Variants in RAB3C observed in about 807,000 individuals in gnomAD.
The protein encoded by RAB3C is ras-related protein Rab-3C.
Under a neutral mutation model 26.4 loss-of-function variants are expected in RAB3C, and 17 were observed. The ratio of observed to expected loss-of-function variants is 0.64; its 90% CI spans 0.44 to 0.97. The LOEUF is 0.97. RAB3C is among the 50% of genes least tolerant of loss of function. The pLI is 0.00. For missense variants in RAB3C, 242 were observed against 281.9 expected, an observed-to-expected ratio of 0.86 and a Z score of 1.01; for synonymous variants, 91 against 95.9, an observed-to-expected ratio of 0.95 and a Z score of 0.30.
chr5:58,729,290 T>C (rs1039601955), intron 3 of RAB3C, among the ~76,000 whole-genome samples: 2 of 152,064 alleles, frequency 1.3e-5, no homozygotes, highest in African/African-American at 4.8e-5. Flanking sequence ...ATTTACTGTC[T>C]TAACCATTTT....
At chr5:58,841,702 TG>T (rs1743879525) in intron 4 of RAB3C, among the ~76,000 whole-genome samples, 1 of 152,128 alleles carries the variant, frequency 6.6e-6, no homozygotes, top group Admixed American at 6.5e-5. Context: ...TGGGGGCTGG[TG>T]GGGATCATTT....
intron 3 of RAB3C, among the ~76,000 whole-genome samples, chr5:58,738,157 C>G (rs1208858185): frequency 6.6e-6 from 1 of 152,120 alleles, no homozygotes; most frequent in African/African-American, 2.4e-5. Context: ...TTTTAGTTTC[C>G]AGTCAGGGTT....
intron 3 of RAB3C, among the ~76,000 whole-genome samples, chr5:58,728,394 A>G (rs1213157954): frequency 6.6e-6 from 1 of 152,016 alleles, no homozygotes; most frequent in Non-Finnish European, 1.5e-5. Context: ...GACTTTCTAA[A>G]TGCCTCTCCA....
intron 1 of RAB3C, among the ~76,000 whole-genome samples, chr5:58,616,428 ATG>A (rs1252818667): frequency 4.6e-5 from 7 of 152,156 alleles, no homozygotes; most frequent in African/African-American, 1.7e-4. Flanking sequence ...TGCTGAGCAA[ATG>A]TACTAATCAG....
chr5:58,681,821 G>A (rs1199084756), intron 2 of RAB3C, among the ~76,000 whole-genome samples: 4 of 152,292 alleles, frequency 2.6e-5, no homozygotes, highest in Admixed American at 2.6e-4. Context: ...ATTTTAGGAA[G>A]ATTCATCTGA....
At chr5:58,646,673 G>A (rs566405812) in intron 2 of RAB3C, among the ~76,000 whole-genome samples, 1 of 152,190 alleles carries the variant, frequency 6.6e-6, no homozygotes, top group African/African-American at 2.4e-5. Context: ...TAGAGGCATT[G>A]AAATCAATTT....
chr5:58,756,281 T>C (rs1741654391), intron 3 of RAB3C, among the ~76,000 whole-genome samples: 1 of 147,958 alleles, frequency 6.8e-6, no homozygotes, highest in Non-Finnish European at 1.5e-5. Flanking sequence ...GCATATTTCC[T>C]AAGAATGTAG....
At chr5:58,648,645 C>T (rs1003586301) in intron 2 of RAB3C, among the ~76,000 whole-genome samples, 4 of 152,154 alleles carry the variant, frequency 2.6e-5, no homozygotes, top group Non-Finnish European at 4.4e-5. Context: ...CTAAGAGAGA[C>T]AAGTCTGAAC....
rs1218571591 is a variant in RAB3C at position 58,854,822 on chromosome 5, G to A, written c.*3471G>A. 1 of 139,158 alleles carries A rather than the reference G, an allele frequency of 7.2e-6. No homozygotes were observed. Among genetic ancestry groups the A allele is most frequent in the Non-Finnish European group, 1.6e-5 (1 of 63,984 alleles). The allele number at this position is 139,158 out of a possible 1,614,324, so 8.6% of individuals were successfully genotyped here. A position where few individuals can be genotyped will look rare whatever the true frequency, so the allele number is the denominator to read the frequency against. ...CAAAGTTACAACCCAAATTATACAA[G>A]ACATCAAAACACTCAGTAAACAAAT... On this transcript the variant is annotated 3_prime_UTR_variant, in exon 5 of 5. Transcript: ENST00000282878.
intron 3 of RAB3C, among the ~76,000 whole-genome samples, chr5:58,797,356 ATGTATATATATAATATAT>A (rs1742687555): frequency 4.2e-3 from 142 of 33,874 alleles, no homozygotes; most frequent in Admixed American, 6.6e-3. Context: ...AAAAAAAAAT[ATGTATATATATAATATAT>A]ATATATATAT....
chr5:58,698,036 G>T (rs958280281), intron 2 of RAB3C, among the ~76,000 whole-genome samples: 2 of 152,110 alleles, frequency 1.3e-5, no homozygotes, highest in African/African-American at 2.4e-5. Context: ...TACAATTTGG[G>T]ATGTTTTTGC....
At chr5:58,784,417 C>T (rs905684379) in intron 3 of RAB3C, among the ~76,000 whole-genome samples, 2 of 152,128 alleles carry the variant, frequency 1.3e-5, no homozygotes, top group African/African-American at 4.8e-5. Context: ...TATTCATTAT[C>T]ACAAGAACAA....
intron 4 of RAB3C, among the ~76,000 whole-genome samples, chr5:58,835,545 T>C (rs1209083377): frequency 1.3e-5 from 2 of 152,234 alleles, no homozygotes; most frequent in Non-Finnish European, 2.9e-5. Flanking sequence ...TGTCTAGCCC[T>C]CATTTTTCTA....
chr5:58,847,634 A>C (rs1285453148), intron 4 of RAB3C, among the ~76,000 whole-genome samples: 2 of 152,202 alleles, frequency 1.3e-5, no homozygotes, highest in African/African-American at 2.4e-5. Context: ...GGGCATGAGC[A>C]TCCTCATACA....
chr5:58,669,577 GT>G (rs1748070933), intron 2 of RAB3C, among the ~76,000 whole-genome samples: 1 of 152,180 alleles, frequency 6.6e-6, no homozygotes, highest in Admixed American at 6.5e-5. Context: ...GAAGGCAGTA[GT>G]TTAGGTGTGC....
intron 2 of RAB3C, chr5:58,689,306 T>G (rs1748513123): frequency 6.6e-6 from 1 of 152,056 alleles, no homozygotes; most frequent in Non-Finnish European, 1.5e-5. Flanking sequence ...AACACAATAT[T>G]TCACAACAGA....
chr5:58,773,396 C>A (rs1742064978), intron 3 of RAB3C, among the ~76,000 whole-genome samples: 1 of 152,062 alleles, frequency 6.6e-6, no homozygotes, highest in Non-Finnish European at 1.5e-5. Context: ...CAAGTCACTC[C>A]CCATCATAGG....
chr5:58,584,121 A>G (rs1344114602), intron 1 of RAB3C, among the ~76,000 whole-genome samples: 1 of 152,206 alleles, frequency 6.6e-6, no homozygotes, highest in South Asian at 2.1e-4. Context: ...AGAAGAATAG[A>G]AAACATCATT....
intron 2 of RAB3C, among the ~76,000 whole-genome samples, chr5:58,620,788 T>A (rs1033184768): frequency 1.3e-5 from 2 of 150,640 alleles, no homozygotes; most frequent in African/African-American, 4.8e-5. Flanking sequence ...GTGGTGGTTA[T>A]TTTTTTTGAA....
Sources: gnomAD v4.1 joint callset for allele counts (sites outside exome capture counted in the v4.1 genomes callset) on GRCh38, gnomAD v4.1.1 for gene constraint, MANE v1.5 for transcripts, NCBI Gene and HGNC (gene_info 2026-07-23, HGNC 2026-07-21) for gene names.